The following TNIK variants were observed in gnomAD, a reference collection of about 807,000 sequenced individuals.
The protein encoded by TNIK is TRAF2 and NCK-interacting protein kinase.
TNIK carries 49 observed loss-of-function variants against 191.3 expected under a neutral mutation model. That is an observed-to-expected ratio of 0.26 (90% CI 0.20 to 0.32). TNIK has a LOEUF of 0.32. Among genes scored for constraint, TNIK ranks in the 10% least tolerant of loss-of-function variants. The probability of loss-of-function intolerance (pLI) is 1.00; values close to 1 mark genes in which losing one functional copy is unlikely to be tolerated. For missense variants in TNIK, 1,155 were observed against 1,702.3 expected, an observed-to-expected ratio of 0.68 and a Z score of 5.66; for synonymous variants, 594 against 600.9, an observed-to-expected ratio of 0.99 and a Z score of 0.17.
At position 171,190,677 on chromosome 3, in the gene TNIK, T is replaced by A. The variant is rs61792398; in HGVS notation, c.508+20A>T. On this transcript the variant is annotated intron_variant, in intron 6 of 32. Coordinates refer to ENST00000436636, the MANE Select transcript of TNIK (RefSeq NM_015028.4). The stretch of plus-strand genomic sequence containing the variant: ...TCATCACTTCCTGCAATTCCAAGGC[T>A]CACAGGATTCTGCTCTTACCTAGTT... The A allele has an allele frequency of 1.9e-6, 3 of 1,561,366 alleles. No homozygotes were observed. The highest frequency in any genetic ancestry group is 2.6e-6 in the Non-Finnish European group (3 of 1,147,930).
intron 9 of TNIK, among the ~76,000 whole-genome samples, chr3:171,170,149 T>G (rs1211199318): frequency 1.3e-5 from 2 of 152,226 alleles, no homozygotes; most frequent in Non-Finnish European, 2.9e-5. Flanking sequence ...TAGTTCTGTC[T>G]CTTATAAAAT....
chr3:171,140,367 G>A (rs2108633570), intron 13 of TNIK, 32 bp downstream of exon 13: 2 of 1,506,540 alleles, frequency 1.3e-6, no homozygotes, highest in Non-Finnish European at 1.8e-6. Context: ...TCCCCGGGGG[G>A]CCATCAGTGG....
chr3:171,360,994 G>A (rs1202697340), intron 2 of TNIK, among the ~76,000 whole-genome samples: 1 of 152,192 alleles, frequency 6.6e-6, no homozygotes, highest in African/African-American at 2.4e-5. Context: ...GCAGTTGTTA[G>A]ATACTTATGA....
At chr3:171,450,889 C>G (rs1429566723) in intron 1 of TNIK, among the ~76,000 whole-genome samples, 1 of 152,186 alleles carries the variant, frequency 6.6e-6, no homozygotes, top group Non-Finnish European at 1.5e-5. Flanking sequence ...TCTCACAAAA[C>G]TTATTAGGCT....
At chr3:171,249,785 G>A (rs1270818197) in intron 2 of TNIK, among the ~76,000 whole-genome samples, 6 of 152,024 alleles carry the variant, frequency 3.9e-5, no homozygotes, top group Admixed American at 1.3e-4. Flanking sequence ...GGCAAGTAGC[G>A]TCTTTCCCTG....
At chr3:171,322,802 G>GGT (rs1553889000) in intron 2 of TNIK, among the ~76,000 whole-genome samples, 2 of 143,828 alleles carry the variant, frequency 1.4e-5, no homozygotes, top group African/African-American at 5.0e-5. Context: ...TGTTATTAGT[G>GGT]TTTTTTTTGT....
At chr3:171,110,094 T>C (rs1273304672) in intron 19 of TNIK, among the ~76,000 whole-genome samples, 1 of 152,124 alleles carries the variant, frequency 6.6e-6, no homozygotes, top group Non-Finnish European at 1.5e-5. Flanking sequence ...TTAGTAGCGA[T>C]GGGGTTTCTC....
chr3:171,078,561 T>A (rs1188212764), intron 28 of TNIK, among the ~76,000 whole-genome samples: 2 of 152,148 alleles, frequency 1.3e-5, no homozygotes, highest in Non-Finnish European at 2.9e-5. Context: ...GTTTCTTGCT[T>A]CCTTCCTTTC....
chr3:171,414,262 T>C (rs986413298), intron 1 of TNIK, among the ~76,000 whole-genome samples: 79 of 152,226 alleles, frequency 5.2e-4, no homozygotes, highest in African/African-American at 1.8e-3. Flanking sequence ...GAATGAAAAG[T>C]GATCATTCCC....
intron 15 of TNIK, among the ~76,000 whole-genome samples, chr3:171,135,888 A>C (rs1309840731): frequency 1.3e-5 from 2 of 152,236 alleles, no homozygotes; most frequent in Non-Finnish European, 2.9e-5. Context: ...ATCTGCCCCC[A>C]GGAATGCCAT....
At chr3:171,333,316 T>A (rs899191171) in intron 2 of TNIK, among the ~76,000 whole-genome samples, 3 of 151,804 alleles carry the variant, frequency 2.0e-5, no homozygotes, top group Non-Finnish European at 4.4e-5. Context: ...AGCACTTTGG[T>A]AGGCTGAGGT....
chr3:171,096,176 C>T (rs1331998616), intron 22 of TNIK, among the ~76,000 whole-genome samples: 1 of 152,066 alleles, frequency 6.6e-6, no homozygotes, highest in Non-Finnish European at 1.5e-5. Context: ...GCTCAGTTGG[C>T]CTGGTGGCAT....
intron 1 of TNIK, among the ~76,000 whole-genome samples, chr3:171,408,187 T>C (rs1247249668): frequency 6.6e-6 from 1 of 152,208 alleles, no homozygotes; most frequent in South Asian, 2.1e-4. Flanking sequence ...CTTGTATAGA[T>C]TCTATGTCTT....
chr3:171,381,394 C>G (rs1244223545), intron 1 of TNIK, among the ~76,000 whole-genome samples: 1 of 152,150 alleles, frequency 6.6e-6, no homozygotes, highest in African/African-American at 2.4e-5. Flanking sequence ...CAGGGCAAAG[C>G]TTTTCATATT....
intron 23 of TNIK, among the ~76,000 whole-genome samples, chr3:171,092,181 C>T (rs1461028781): frequency 2.6e-5 from 4 of 152,116 alleles, no homozygotes; most frequent in Non-Finnish European, 5.9e-5. Flanking sequence ...ATCTCCTGAT[C>T]TCGTGATCCT....
intron 2 of TNIK, among the ~76,000 whole-genome samples, chr3:171,312,111 A>AT (rs1577437599): frequency 8.9e-5 from 9 of 101,148 alleles, no homozygotes; most frequent in Non-Finnish European, 1.6e-4. Flanking sequence ...GCAGCTCCAG[A>AT]TTAAAAAAAA....
intron 2 of TNIK, among the ~76,000 whole-genome samples, chr3:171,309,864 C>T (rs1170070293): frequency 6.6e-6 from 1 of 152,106 alleles, no homozygotes; most frequent in Non-Finnish European, 1.5e-5. Flanking sequence ...CACCAGTAGC[C>T]CAGACTTTTC....
At chr3:171,074,986 C>T (rs571767802) in intron 28 of TNIK, among the ~76,000 whole-genome samples, 13 of 152,242 alleles carry the variant, frequency 8.5e-5, no homozygotes, top group African/African-American at 1.9e-4. Flanking sequence ...AATGAAGGGA[C>T]GGCAATGATT....
chr3:171,229,803 AG>A lies in TNIK; in HGVS notation c.124-1583del, dbSNP rs571496804. ...CCTCACTGGGGAAAGAGCACAAAGA[AG>A]GGGACAGTAGGTCAGTAATCCAATA... On this transcript the variant is annotated intron_variant, in intron 2 of 32. Transcript: ENST00000436636. 2.0e-4 allele frequency among the ~76,000 whole-genome samples: 31 copies of A among 152,212 alleles called. No homozygotes were observed. The South Asian group carries it at 6.4e-3, about 32-fold the overall frequency.
Sources: allele counts gnomAD v4.1 joint callset (sites outside exome capture counted in the v4.1 genomes callset), GRCh38; gene constraint gnomAD v4.1.1; transcripts MANE v1.5; gene names NCBI Gene and HGNC (gene_info 2026-07-23, HGNC 2026-07-21).